The following ASPH variants were observed in gnomAD, a reference collection of about 807,000 sequenced individuals.
ASPH encodes the protein aspartate beta-hydroxylase.
ASPH carries 100 observed loss-of-function variants against 118.4 expected under a neutral mutation model. That is an observed-to-expected ratio of 0.84 (90% confidence interval 0.72 to 1.00). ASPH has a LOEUF of 1.00. Among genes scored for constraint, ASPH ranks in the 50% least tolerant of loss-of-function variants. The pLI, the probability that ASPH is intolerant of heterozygous loss-of-function variation, is 0.00. For synonymous variants in ASPH, 315 were observed against 325.6 expected, an observed-to-expected ratio of 0.97 and a Z score of 0.35; for missense variants, 920 against 919.5, an observed-to-expected ratio of 1.00 and a Z score of -0.01.
chr8:61,641,757 C>G (rs1805234367), intron 10 of ASPH, among the ~76,000 whole-genome samples: 1 of 152,014 alleles, frequency 6.6e-6, no homozygotes, highest in Non-Finnish European at 1.5e-5. Context: ...AAGGAGGGAC[C>G]CTATGTTACT....
intron 1 of ASPH, among the ~76,000 whole-genome samples, chr8:61,711,883 G>A (rs1410411645): frequency 6.6e-6 from 1 of 152,130 alleles, no homozygotes; most frequent in Non-Finnish European, 1.5e-5. Context: ...TTTTTGTCAA[G>A]GGAAATGTAA....
intron 15 of ASPH, chr8:61,578,526 G>T (rs1025100321): frequency 6.3e-7 from 1 of 1,576,148 alleles, no homozygotes; most frequent in African/African-American, 1.4e-5. Flanking sequence ...CAACAAGTTT[G>T]CCTCCTTCAC....
rs1283502249 is a variant in ASPH at position 61,642,907 on chromosome 8, G to C, written c.771C>G (p.Tyr257Ter). The change falls in exon 10 of 25, where the codon TAC becomes TAG. Residue 257 changes from tyrosine to a stop codon, truncating the protein, a stop_gained. Coordinates refer to ENST00000379454, the MANE Select transcript of ASPH (RefSeq NM_004318.4). LOFTEE classifies it high-confidence loss of function. ...GCAAACCTTGTTCCTCATAGACTTG[G>C]TATGTTACATCATCTGAAAAAAAAA... ...RLHHDTDDVTYQVYEEQAVYE... is the reference protein window; with the variant it reads ...RLHHDTDDVT 6.5e-7 allele frequency: 1 copy of C among 1,547,152 alleles called. No homozygotes were observed. Among genetic ancestry groups the C allele is most frequent in the Non-Finnish European group, 8.7e-7 (1 of 1,154,556 alleles).
At chr8:61,663,638 ATG>A in intron 3 of ASPH, 1 of 985,350 alleles carries the variant, frequency 1.0e-6, no homozygotes, top group Non-Finnish European at 1.2e-6. Flanking sequence ...TGTTCTTGTA[ATG>A]TGTAAAAATG....
chr8:61,619,604 G>A (rs1334582247), intron 13 of ASPH, among the ~76,000 whole-genome samples: 2 of 152,176 alleles, frequency 1.3e-5, no homozygotes, highest in Non-Finnish European at 2.9e-5. Flanking sequence ...ATCACAGTCA[G>A]TGTCTCTCCC....
chr8:61,702,280 CTTTTTT>C (rs71257379), intron 1 of ASPH, among the ~76,000 whole-genome samples: 1 of 123,378 alleles, frequency 8.1e-6, no homozygotes, highest in Non-Finnish European at 1.7e-5. Context: ...ATAGCTACTT[CTTTTTT>C]TTTTTTTTTT....
Position 61,578,829 on chromosome 8 carries a change from T to C in ASPH, c.1063-1971A>G, listed in dbSNP as rs527327108. ...CATCAAGAAGGATGTGGATGAAGCT[T>C]ACATGAACAAGGTAGAGCTGGAGTC... On this transcript the variant is annotated intron_variant, in intron 15 of 24. Coordinates refer to ENST00000379454, the MANE Select transcript of ASPH (RefSeq NM_004318.4). 1,810 of 1,611,890 alleles carry C rather than the reference T, an allele frequency of 1.1e-3. 2 individuals are homozygous for C. Among genetic ancestry groups the C allele is most frequent in the Non-Finnish European group, 1.4e-3 (1,623 of 1,178,522 alleles).
chr8:61,638,447 T>C (rs1858902204), intron 10 of ASPH, 84 bp from the exon 11 acceptor site: 1 of 1,176,344 alleles, frequency 8.5e-7, no homozygotes, highest in Non-Finnish European at 1.2e-6. Flanking sequence ...GCAGAGACAA[T>C]GCCTTATGCA....
chr8:61,685,102 T>C (rs1033865970), intron 1 of ASPH, among the ~76,000 whole-genome samples: 1 of 152,126 alleles, frequency 6.6e-6, no homozygotes, highest in Non-Finnish European at 1.5e-5. Context: ...AGTGCTTTCA[T>C]GTGCTTTGCT....
intron 15 of ASPH, chr8:61,579,473 C>T (rs1026529259): frequency 1.2e-6 from 2 of 1,602,350 alleles, no homozygotes; most frequent in African/African-American, 2.7e-5. Flanking sequence ...CCACCAGCGG[C>T]TATGCAGGTG....
chr8:61,698,974 G>A (rs1834598686), intron 1 of ASPH, among the ~76,000 whole-genome samples: 1 of 152,158 alleles, frequency 6.6e-6, no homozygotes, highest in Non-Finnish European at 1.5e-5. Context: ...ACTTCAGTGG[G>A]GTCTCCAGAT....
In ASPH at chr8:61,616,878, G is replaced by GA. The variant is rs1481075184; in HGVS notation, c.976+2099dup. On this transcript the variant is annotated intron_variant, in intron 14 of 24. Coordinates refer to ENST00000379454, the MANE Select transcript of ASPH (RefSeq NM_004318.4). ...CTCCCTACTGGGATGTGAGTTCCCT[G>GA]AAACAGGAACCTGGTCTGTCTTGCT... Among the ~76,000 whole-genome samples the GA allele has an allele frequency of 5.9e-5, 9 of 152,202 alleles. No homozygotes were observed. In the South Asian group the frequency reaches 1.7e-3, roughly 28 times the overall value.
At chr8:61,699,809 A>C (rs1834809303) in intron 1 of ASPH, among the ~76,000 whole-genome samples, 1 of 152,246 alleles carries the variant, frequency 6.6e-6, no homozygotes, top group Admixed American at 6.5e-5. Flanking sequence ...TCAGAGACCA[A>C]GGGTGCCTGC....
chr8:61,660,936 C>A (rs1383541389), intron 3 of ASPH: 2 of 151,996 alleles, frequency 1.3e-5, no homozygotes, highest in African/African-American at 4.8e-5. Flanking sequence ...GAATACAAAA[C>A]AAACATAAGT....
intron 14 of ASPH, among the ~76,000 whole-genome samples, chr8:61,597,476 T>C (rs971447389): frequency 2.0e-5 from 3 of 152,158 alleles, no homozygotes; most frequent in Non-Finnish European, 2.9e-5. Context: ...TTTAATGAAA[T>C]AATAGCTTTC....
intron 13 of ASPH, chr8:61,624,139 A>G (rs551303489): frequency 2.5e-6 from 2 of 784,746 alleles, no homozygotes; most frequent in South Asian, 1.2e-4. Flanking sequence ...TATAGCCAAC[A>G]ATAATTTATT....
intron 15 of ASPH, among the ~76,000 whole-genome samples, chr8:61,580,168 G>C (rs756444401): frequency 3.3e-5 from 5 of 152,074 alleles, no homozygotes; most frequent in African/African-American, 1.2e-4. Flanking sequence ...AGGTATCTGC[G>C]GCTTTTCCAG....
At chr8:61,627,420 T>C (rs1853417222) in intron 13 of ASPH, among the ~76,000 whole-genome samples, 1 of 152,138 alleles carries the variant, frequency 6.6e-6, no homozygotes, top group Admixed American at 6.6e-5. Flanking sequence ...TTACCTCTGG[T>C]TGGGGTATGA....
At chr8:61,618,866 G>A in intron 14 of ASPH, 112 bp downstream of exon 14, 1 of 904,042 alleles carries the variant, frequency 1.1e-6, no homozygotes, top group Non-Finnish European at 1.7e-6. Context: ...AAACCCAGGA[G>A]CAAATTCTTT....
Sources: allele counts gnomAD v4.1 joint callset (sites outside exome capture counted in the v4.1 genomes callset), GRCh38; gene constraint gnomAD v4.1.1; transcripts MANE v1.5; gene names NCBI Gene and HGNC (gene_info 2026-07-23, HGNC 2026-07-21).